The following CPN1 variants were observed in gnomAD, a reference collection of about 807,000 sequenced individuals.
CPN1 encodes carboxypeptidase N subunit 1.
In CPN1, 37 loss-of-function variants were observed where a neutral mutation model predicts 46.4. The ratio of observed to expected loss-of-function variants is 0.80; its 90% confidence interval spans 0.61 to 1.05. CPN1 has a LOEUF of 1.05. CPN1 is among the 50% of genes least tolerant of loss of function. CPN1 has a pLI of 0.00. For synonymous variants in CPN1, 224 were observed against 235.4 expected (o/e 0.95, Z 0.44); for missense variants, 563 against 602.6 (o/e 0.93, Z 0.69).
At chr10:100,056,591 G>T (rs1443651680) in intron 6 of CPN1, among the ~76,000 whole-genome samples, 4 of 152,088 alleles carry the variant, frequency 2.6e-5, no homozygotes, top group African/African-American at 9.7e-5. Context: ...TGCTGCCCAG[G>T]CTGGAGTGCA....
intron 2 of CPN1, 91 bp from the exon 3 acceptor site, chr10:100,069,960 T>C (rs1442492688): frequency 4.8e-6 from 7 of 1,469,956 alleles, no homozygotes; most frequent in Non-Finnish European, 6.6e-6. Context: ...TCTCACACTG[T>C]TGCCCAGGCT....
chr10:100,074,043 C>A (rs1045529343), intron 2 of CPN1, among the ~76,000 whole-genome samples: 34 of 152,084 alleles, frequency 2.2e-4, no homozygotes, highest in Middle Eastern at 3.2e-3. Context: ...ATCCCCCCCC[C>A]ACAATACTCC....
At chr10:100,069,920 A>G (rs373546888) in intron 2 of CPN1, 51 bp from the exon 3 acceptor site, 35 of 1,606,086 alleles carry the variant, frequency 2.2e-5, no homozygotes, top group Non-Finnish European at 2.7e-5. Context: ...TGAATACTAT[A>G]TTTTCTAACT....
rs553888166 is a variant in CPN1 at position 100,045,410 on chromosome 10, ACT to A, written c.1231-2839_1231-2838del. Among the ~76,000 whole-genome samples, 100 of 152,196 alleles carry A rather than the reference ACT, an allele frequency of 6.6e-4. 2 individuals are homozygous for A. The highest frequency in any genetic ancestry group is 2.3e-3 in the African/African-American group (95 of 41,532). ...GCTCATAGGCTGCAATGAAAGATTTACTCTCTGTTTCCTGCAACTGTAAGCAG... is the reference window on the plus strand; with the variant it reads ...GCTCATAGGCTGCAATGAAAGATTTACTCTGTTTCCTGCAACTGTAAGCAG... On this transcript the variant is annotated intron_variant, in intron 8 of 8. Coordinates refer to ENST00000370418, the MANE Select transcript of CPN1 (RefSeq NM_001308.3).
At chr10:100,063,213 C>T (rs1589475418) in intron 5 of CPN1, among the ~76,000 whole-genome samples, 2 of 152,112 alleles carry the variant, frequency 1.3e-5, no homozygotes, top group Non-Finnish European at 1.5e-5. Context: ...CTCTGCCTCC[C>T]GGGTTCATGC....
chr10:100,057,512 G>T (rs1481534534), intron 5 of CPN1, among the ~76,000 whole-genome samples: 2 of 152,158 alleles, frequency 1.3e-5, no homozygotes, highest in Admixed American at 6.5e-5. Flanking sequence ...TTGTTTTAAG[G>T]TGAGTTGAAG....
rs573655480 is a variant in CPN1 at position 100,078,942 on chromosome 10, C to G, written c.223+2461G>C. ...TCACTCGGCTGGAGCCGCACTGGCC[C>G]CCTTGCTGTTCCTCACATGTGCCAA... is the stretch of plus-strand genomic sequence containing the variant. On this transcript the variant is annotated intron_variant, in intron 1 of 8. Transcript: ENST00000370418. Among the ~76,000 whole-genome samples, 26 of 152,340 alleles carry G rather than the reference C, an allele frequency of 1.7e-4. No homozygotes were observed. In the South Asian group the frequency reaches 4.3e-3, roughly 25 times the overall value.
At chr10:100,060,786 A>C (rs1246809363) in intron 5 of CPN1, among the ~76,000 whole-genome samples, 1 of 152,212 alleles carries the variant, frequency 6.6e-6, no homozygotes, top group African/African-American at 2.4e-5. Context: ...AAAGGAAATC[A>C]GTATGTTGAA....
chr10:100,061,904 T>A (rs776567430), intron 5 of CPN1, among the ~76,000 whole-genome samples: 1 of 152,098 alleles, frequency 6.6e-6, no homozygotes, highest in African/African-American at 2.4e-5. Flanking sequence ...TGCAGTGTCA[T>A]GATCATAGCT....
intron 8 of CPN1, among the ~76,000 whole-genome samples, chr10:100,046,842 G>T (rs1229850585): frequency 6.6e-5 from 10 of 152,120 alleles, no homozygotes; most frequent in Admixed American, 5.9e-4. Flanking sequence ...GGGAGGCCGA[G>T]GTGGGCAGAT....
intron 3 of CPN1, 172 bp from the exon 4 acceptor site, chr10:100,065,542 G>C (rs1388713140): frequency 2.0e-5 from 14 of 705,418 alleles, no homozygotes; most frequent in Non-Finnish European, 3.1e-5. Flanking sequence ...CCTTTGGAAT[G>C]ATGGTTTCAA....
intron 8 of CPN1, among the ~76,000 whole-genome samples, chr10:100,044,214 C>T (rs2041295175): frequency 6.6e-6 from 1 of 151,972 alleles, no homozygotes; most frequent in African/African-American, 2.4e-5. Context: ...GTATTATTTA[C>T]CAATTCCTAT....
chr10:100,070,083 C>G (rs777487677), intron 2 of CPN1, among the ~76,000 whole-genome samples: 3 of 151,794 alleles, frequency 2.0e-5, no homozygotes, highest in Admixed American at 2.0e-4. Flanking sequence ...CCACCACACC[C>G]GCTAATTGTT....
intron 5 of CPN1, 46 bp from the exon 6 acceptor site, chr10:100,057,198 C>G: frequency 6.3e-7 from 1 of 1,598,594 alleles, no homozygotes; most frequent in African/African-American, 1.3e-5. Context: ...CAGGTTCCCA[C>G]CCAATGCCCC....
At chr10:100,068,946 G>A (rs2041469742) in intron 3 of CPN1, among the ~76,000 whole-genome samples, 1 of 152,200 alleles carries the variant, frequency 6.6e-6, no homozygotes, top group African/African-American at 2.4e-5. Context: ...TAGAAAGAAT[G>A]TTGGAATAAG....
At chr10:100,080,914 G>T (rs1431659043) in intron 1 of CPN1, among the ~76,000 whole-genome samples, 10 of 152,116 alleles carry the variant, frequency 6.6e-5, no homozygotes, top group South Asian at 4.2e-4. Context: ...AAATAAAAAA[G>T]AATCCAGTAA....
chr10:100,069,700 A>T lies in CPN1; in HGVS notation c.576+14T>A, dbSNP rs746501710. On this transcript the variant is annotated intron_variant, in intron 3 of 8. Coordinates refer to ENST00000370418, the MANE Select transcript of CPN1 (RefSeq NM_001308.3). The stretch of plus-strand genomic sequence containing the variant: ...GCTGATTTACCTGCTTTGTTTGCAA[A>T]TTTCATCTCCTACCTGACTTTTCCA... The T allele has an allele frequency of 2.5e-6, 4 of 1,613,530 alleles. No homozygotes were observed. The Admixed American group carries it at 6.7e-5, about 27-fold the overall frequency.
chr10:100,061,156 A>G (rs1241181457), intron 5 of CPN1, among the ~76,000 whole-genome samples: 2 of 152,198 alleles, frequency 1.3e-5, no homozygotes, highest in East Asian at 1.9e-4. Context: ...AATGAATGAT[A>G]GCACAAAAGG....
intron 5 of CPN1, among the ~76,000 whole-genome samples, chr10:100,059,060 G>A (rs1276263379): frequency 4.6e-5 from 7 of 152,032 alleles, no homozygotes; most frequent in Admixed American, 1.3e-4. Context: ...CAACCTAAAC[G>A]TAAGACCCAA....
Sources: allele counts gnomAD v4.1 joint callset (sites outside exome capture counted in the v4.1 genomes callset), GRCh38; gene constraint gnomAD v4.1.1; transcripts MANE v1.5; gene names NCBI Gene and HGNC (gene_info 2026-07-23, HGNC 2026-07-21).